The following GARNL3 variants were observed in gnomAD, a reference collection of about 807,000 sequenced individuals.
GARNL3 encodes the protein GTPase activating Rap/RanGAP domain like 3, also known as GTPase-activating Rap/Ran-GAP domain-like protein 3.
GARNL3 carries 63 observed loss-of-function variants against 125.0 expected under a neutral mutation model. The observed-to-expected ratio is 0.50, with a 90% confidence interval of 0.41 to 0.62. GARNL3 has a LOEUF of 0.62. GARNL3 is among the 20% of genes least tolerant of loss of function. The pLI is 0.00. For synonymous variants in GARNL3, 439 were observed against 457.5 expected, an observed-to-expected ratio of 0.96 and a Z score of 0.52; for missense variants, 994 against 1,244.0, an observed-to-expected ratio of 0.80 and a Z score of 3.02.
intron 2 of GARNL3, among the ~76,000 whole-genome samples, chr9:127,296,992 T>C (rs1011051555): frequency 6.6e-6 from 1 of 152,110 alleles, no homozygotes; most frequent in Non-Finnish European, 1.5e-5. Context: ...ACTCAGGAGC[T>C]CTGTGCTAGG....
chr9:127,240,376 G>A (rs1257070631), intron 1 of GARNL3, among the ~76,000 whole-genome samples: 1 of 152,112 alleles, frequency 6.6e-6, no homozygotes, highest in Non-Finnish European at 1.5e-5. Context: ...TTGCACCCTT[G>A]CACCCCACAT....
intron 1 of GARNL3, among the ~76,000 whole-genome samples, chr9:127,237,652 G>A (rs1199607799): frequency 2.0e-5 from 3 of 152,204 alleles, no homozygotes; most frequent in South Asian, 2.1e-4. Flanking sequence ...GTACATGGGT[G>A]TGCTGTTGCA....
rs766692037 is a variant in GARNL3, at chr9:127,389,051, C to T, written c.2675C>T (p.Thr892Met). The change falls in exon 26 of 28, where the codon ACG becomes ATG. Residue 892 changes from threonine to methionine, a missense_variant. By Grantham distance (81) the Thr-to-Met change is moderately conservative. Around this residue, in one of 5 missense-constraint regions of GARNL3, gnomAD observed 728 missense variants for 865.7 expected, o/e 0.84. Coordinates refer to ENST00000373387, the MANE Select transcript of GARNL3 (RefSeq NM_032293.5). ...GTGGGCCTTGCTGCCATTCCAGTCA[C>T]GCACTCCTTGTCCCTGTCTCGCATG... ...ISVGLAAIPV[T>M]HSLSLSRMEI... The T allele has an allele frequency of 1.2e-5, 19 of 1,614,048 alleles. No homozygotes were observed. Among genetic ancestry groups the T allele is most frequent in the Admixed American group, 5.0e-5 (3 of 60,010 alleles).
intron 22 of GARNL3, among the ~76,000 whole-genome samples, chr9:127,366,171 G>A (rs931312305): frequency 4.6e-5 from 7 of 152,228 alleles, no homozygotes; most frequent in Admixed American, 3.9e-4. Context: ...TGCTGGGTCA[G>A]ATGTTTTGAT....
At position 127,390,777 on chromosome 9, in the gene GARNL3, G is replaced by A. The variant is rs188010948; in HGVS notation, c.2870+10G>A. ...CATCTAGCAGTGACAGGTAAAGAGA[G>A]GGAGAGGCCCCTGCTTGGGGTGGTG... On this transcript the variant is annotated intron_variant, in intron 27 of 27. Transcript: ENST00000373387. 811 of 1,611,760 alleles carry A rather than the reference G, an allele frequency of 5.0e-4. 6 individuals are homozygous for A. In the African/African-American group the frequency reaches 9.5e-3, roughly 19 times the overall value.
At chr9:127,337,757 T>C (rs558100857) in intron 11 of GARNL3, among the ~76,000 whole-genome samples, 1 of 152,380 alleles carries the variant, frequency 6.6e-6, no homozygotes, top group South Asian at 2.1e-4. Flanking sequence ...AATGTATTAC[T>C]AATTTCCTAT....
intron 1 of GARNL3, among the ~76,000 whole-genome samples, chr9:127,277,254 A>G (rs16929741): frequency 6.6e-6 from 1 of 152,030 alleles, no homozygotes; most frequent in Non-Finnish European, 1.5e-5. Flanking sequence ...AAGAAATACA[A>G]GTAAGAAAAG....
Position 127,348,978 on chromosome 9 carries a change from G to C in GARNL3, c.1486G>C (p.Asp496His). ...SNFPHEAVCA[D>H]PWGQALLVST... ...TTTCCCTCATGAAGCCGTGTGTGCA[G>C]ATCCCTGGGGCCAGGCCTTGCTGGT... Residue 496 changes from aspartate to histidine, a missense_variant, in exon 17 of 28, where the codon GAT (aspartate) becomes CAT (histidine). By Grantham distance (81) the Asp-to-His change is moderately conservative. Around this residue, in one of 5 missense-constraint regions of GARNL3, gnomAD observed 728 missense variants for 865.7 expected, o/e 0.84. Transcript: ENST00000373387. 1 of 1,614,090 alleles carries C rather than the reference G, an allele frequency of 6.2e-7. No homozygotes were observed. Among genetic ancestry groups the C allele is most frequent in the Non-Finnish European group, 8.5e-7 (1 of 1,180,008 alleles).
chr9:127,247,918 C>T (rs2063331309), intron 2 of GARNL3, among the ~76,000 whole-genome samples: 1 of 152,206 alleles, frequency 6.6e-6, no homozygotes, highest in African/African-American at 2.4e-5. Flanking sequence ...CTTACCACTA[C>T]CCCCTGTCCC....
intron 12 of GARNL3, among the ~76,000 whole-genome samples, chr9:127,339,124 C>T (rs10987597): frequency 0.15 from 23,034 of 151,754 alleles, 2,364 homozygotes; most frequent in South Asian, 0.36. Context: ...GATGAAACCC[C>T]GTCTGTACTA....
chr9:127,315,095 C>G (rs2065203862), intron 4 of GARNL3, among the ~76,000 whole-genome samples: 1 of 152,198 alleles, frequency 6.6e-6, no homozygotes, highest in Non-Finnish European at 1.5e-5. Context: ...TGCCTTCACC[C>G]AACACCTCTT....
chr9:127,243,240 A>G (rs768958264), exon 2 of GARNL3: 6 of 1,366,580 alleles, frequency 4.4e-6, no homozygotes, highest in Middle Eastern at 2.1e-4. Flanking sequence ...CTAGAGTCCC[A>G]GGTCAACCTG....
upstream of GARNL3, chr9:127,264,766 T>C: frequency 7.8e-7 from 1 of 1,278,552 alleles, no homozygotes; most frequent in Non-Finnish European, 1.0e-6. Context: ...GAGGGCTCCA[T>C]GAAAGCCAGG....
chr9:127,281,182 G>A (rs902778334), intron 1 of GARNL3, among the ~76,000 whole-genome samples: 1 of 152,134 alleles, frequency 6.6e-6, no homozygotes, highest in Non-Finnish European at 1.5e-5. Flanking sequence ...GCCCGAGTGG[G>A]TTATGAGGTA....
intron 2 of GARNL3, among the ~76,000 whole-genome samples, chr9:127,309,716 A>G (rs1437370212): frequency 6.6e-6 from 1 of 151,842 alleles, no homozygotes; most frequent in Non-Finnish European, 1.5e-5. Flanking sequence ...CCCCCCATTT[A>G]ACCTGTTCTC....
intron 21 of GARNL3, among the ~76,000 whole-genome samples, chr9:127,359,075 G>A (rs1367836157): frequency 6.6e-6 from 1 of 152,092 alleles, no homozygotes; most frequent in African/African-American, 2.4e-5. Context: ...ATTTAAAGCT[G>A]GGAGGAATGC....
chr9:127,380,245 T>TG (rs1313916544), intron 22 of GARNL3, among the ~76,000 whole-genome samples: 1 of 150,252 alleles, frequency 6.7e-6, no homozygotes, highest in African/African-American at 2.4e-5. Context: ...TGTGTCAGTA[T>TG]TTCTCCCTGG....
Position 127,270,301 on chromosome 9 carries a change from AATG to A in GARNL3, c.144+5284_144+5286del, listed in dbSNP as rs151316016. Among the ~76,000 whole-genome samples, 860 of 152,294 alleles carry A rather than the reference AATG, an allele frequency of 5.6e-3. 23 individuals carry two copies. The East Asian group carries it at 0.086, about 15-fold the overall frequency. On this transcript the variant is annotated intron_variant, in intron 1 of 27. Coordinates refer to ENST00000373387, the MANE Select transcript of GARNL3 (RefSeq NM_032293.5). ...GTCCATATGTCTGTCCTTATGACAG[AATG>A]ATGTTTTAAAATGTTGTCAATACAA...
At chr9:127,276,059 T>C (rs776240187) in intron 1 of GARNL3, among the ~76,000 whole-genome samples, 24 of 152,170 alleles carry the variant, frequency 1.6e-4, no homozygotes, top group Non-Finnish European at 3.2e-4. Flanking sequence ...TGTACTCCAC[T>C]GAAACTGCTC....
Sources: gnomAD v4.1 joint callset for allele counts (sites outside exome capture counted in the v4.1 genomes callset) on GRCh38, gnomAD v4.1.1 for gene constraint, gnomAD v4.1.1 regional missense constraint, MANE v1.5 for transcripts, NCBI Gene and HGNC (gene_info 2026-07-23, HGNC 2026-07-21) for gene names.